CD86: variants seen among roughly 807,000 people sequenced by gnomAD.
CD86 encodes the protein T-lymphocyte activation antigen CD86.
A neutral mutation model predicts 32.1 loss-of-function variants in CD86; 11 were observed. That is an observed-to-expected ratio of 0.34 (90% CI 0.22 to 0.57). The LOEUF is 0.57. CD86 is among the 20% of genes least tolerant of loss of function. The pLI, the probability that CD86 is intolerant of heterozygous loss-of-function variation, is 0.86. For missense variants in CD86, 359 were observed against 398.4 expected (o/e 0.90, Z 0.84); for synonymous variants, 137 against 135.3 (o/e 1.01, Z -0.09).
intron 1 of CD86, among the ~76,000 whole-genome samples, chr3:122,075,318 CTG>C (rs2072541618): frequency 1.3e-5 from 2 of 152,096 alleles, no homozygotes; most frequent in South Asian, 4.2e-4. Context: ...GTTGAGAACA[CTG>C]TAGTATTTAG....
intron 1 of CD86, among the ~76,000 whole-genome samples, chr3:122,066,002 G>A (rs1032604651): frequency 6.6e-6 from 1 of 152,148 alleles, no homozygotes; most frequent in Middle Eastern, 3.2e-3. Flanking sequence ...TCTCTGGCTT[G>A]TTAAGTGTTC....
At chr3:122,084,605 A>G (rs2072686462) in intron 1 of CD86, among the ~76,000 whole-genome samples, 1 of 152,110 alleles carries the variant, frequency 6.6e-6, no homozygotes, top group South Asian at 2.1e-4. Context: ...TGGAAGGCTC[A>G]GCTGGGACCA....
intron 2 of CD86, among the ~76,000 whole-genome samples, chr3:122,094,814 G>A (rs1466383839): frequency 6.6e-6 from 1 of 152,214 alleles, no homozygotes; most frequent in Non-Finnish European, 1.5e-5. Flanking sequence ...TTGGATGGGA[G>A]TTTAAGACTG....
chr3:122,076,266 A>T (rs1032190596), intron 1 of CD86, among the ~76,000 whole-genome samples: 1 of 152,220 alleles, frequency 6.6e-6, no homozygotes, highest in Non-Finnish European at 1.5e-5. Context: ...TTTGGGGAAT[A>T]CTACTCCAAA....
chr3:122,066,562 G>A (rs1429335202), intron 1 of CD86, among the ~76,000 whole-genome samples: 1 of 152,102 alleles, frequency 6.6e-6, no homozygotes, highest in Non-Finnish European at 1.5e-5. Context: ...CCCTCTGAAA[G>A]GCAGTTTCCT....
At chr3:122,118,350 G>T (rs1001751090) in intron 6 of CD86, among the ~76,000 whole-genome samples, 7 of 152,192 alleles carry the variant, frequency 4.6e-5, no homozygotes, top group Non-Finnish European at 1.0e-4. Context: ...AGACTTCAGA[G>T]GTGGTGAACA....
rs573503200 is a variant in CD86 at position 122,085,936 on chromosome 3, C to T, written c.15-5665C>T. Among the ~76,000 whole-genome samples the T allele has an allele frequency of 1.8e-3, 272 of 152,302 alleles. 6 individuals carry two copies. In the South Asian group the frequency reaches 0.038, roughly 21 times the overall value. On this transcript the variant is annotated intron_variant, in intron 1 of 6. Coordinates refer to ENST00000330540, the MANE Select transcript of CD86 (RefSeq NM_175862.5). ...GCAATGAGCTGGGCCCTGAGTGCTG[C>T]TGGGCTGAGGCCGACCTAATCCTTC...
intron 5 of CD86, among the ~76,000 whole-genome samples, chr3:122,117,211 C>A (rs1443963048): frequency 2.6e-5 from 4 of 152,076 alleles, no homozygotes; most frequent in Non-Finnish European, 5.9e-5. Context: ...CTTCATCCAC[C>A]TCTCTCTCAC....
intron 5 of CD86, among the ~76,000 whole-genome samples, chr3:122,117,821 T>A (rs1221963007): frequency 6.6e-6 from 1 of 152,236 alleles, no homozygotes; most frequent in African/African-American, 2.4e-5. Flanking sequence ...CTATTTCCAG[T>A]GTTAGAATTT....
intron 1 of CD86, among the ~76,000 whole-genome samples, chr3:122,066,582 AT>A (rs34331291): frequency 6.6e-6 from 1 of 152,244 alleles, no homozygotes. Context: ...TCACCTATAA[AT>A]TTTTTAAAAA....
chr3:122,106,453 T>A lies in CD86; in HGVS notation c.656T>A (p.Ile219Asn). The A allele has an allele frequency of 6.2e-7, 1 of 1,613,018 alleles. No homozygotes were observed. The highest frequency in any genetic ancestry group is 8.5e-7 in the Non-Finnish European group (1 of 1,179,312). Residue 219 changes from isoleucine (I) to asparagine (N), a missense_variant, in exon 4 of 7, where the codon ATT becomes AAT. Ile to Asn is a moderately radical substitution (Grantham distance 149, BLOSUM62 -3). Transcript: ENST00000330540. ...DVTSNMTIFC[I>N]LETDKTRLLS... ...ACGAGCAATATGACCATCTTCTGTA[T>A]TCTGGAAACTGACAAGACGCGGCTT...
intron 2 of CD86, among the ~76,000 whole-genome samples, chr3:122,096,429 T>C (rs924183735): frequency 1.3e-5 from 2 of 152,194 alleles, no homozygotes; most frequent in African/African-American, 2.4e-5. Context: ...TTAAGTATCC[T>C]AAATATACTT....
intron 1 of CD86, among the ~76,000 whole-genome samples, chr3:122,064,366 A>G (rs750500119): frequency 4.6e-5 from 7 of 152,220 alleles, no homozygotes; most frequent in Non-Finnish European, 7.3e-5. Flanking sequence ...CCAGATCTTC[A>G]GTACAATTAC....
At chr3:122,101,803 A>C (rs1443861417) in intron 2 of CD86, among the ~76,000 whole-genome samples, 1 of 152,070 alleles carries the variant, frequency 6.6e-6, no homozygotes, top group Non-Finnish European at 1.5e-5. Flanking sequence ...GAAGATGCAG[A>C]AGCCTCAGGT....
In CD86 at chr3:122,058,176, A is replaced by T. The variant is rs980569356; in HGVS notation, c.14+2673A>T. 7.2e-5 allele frequency among the ~76,000 whole-genome samples: 11 copies of T among 152,342 alleles called. No individual in the cohort carries two copies. The East Asian group carries it at 2.1e-3, about 29-fold the overall frequency. ...ACAGAGGAAAAGTGATTTGTCCAAG[A>T]TTATACAACCACTTAATGGCATTAC... is the stretch of plus-strand genomic sequence containing the variant. On this transcript the variant is annotated intron_variant, in intron 1 of 6. Transcript: ENST00000330540.
intron 2 of CD86, among the ~76,000 whole-genome samples, chr3:122,097,685 G>C (rs897223118): frequency 6.6e-6 from 1 of 152,170 alleles, no homozygotes; most frequent in Non-Finnish European, 1.5e-5. Context: ...AGAGGGCTAG[G>C]AGTGGAAAAG....
At chr3:122,081,069 C>T (rs188987294) in intron 1 of CD86, among the ~76,000 whole-genome samples, 29 of 152,336 alleles carry the variant, frequency 1.9e-4, no homozygotes, top group African/African-American at 6.5e-4. Flanking sequence ...TGCTCCCAAA[C>T]TATTAATTCC....
chr3:122,101,514 ATATAT>A (rs1482092196), intron 2 of CD86, among the ~76,000 whole-genome samples: 3 of 16,944 alleles, frequency 1.8e-4, no homozygotes, highest in Non-Finnish European at 2.7e-4. Context: ...AAAAAAAAAA[ATATAT>A]ATATATATAT....
Position 122,109,344 on chromosome 3 carries a change from G to A in CD86, c.783G>A (p.Met261Ile). Residue 261 changes from methionine (M) to isoleucine (I), a missense_variant, in exon 5 of 7, where the codon ATG becomes ATA. Met to Ile is a conservative substitution (Grantham distance 10). Transcript: ENST00000330540. ...AVLPTVIICVMVFCLILWKWK... is the reference protein window; with the variant it reads ...AVLPTVIICVIVFCLILWKWK... ...TTCCAACAGTTATTATATGTGTGATGGTTTTCTGTCTAATTCTATGGAAAT... is the reference window on the plus strand; with the variant it reads ...TTCCAACAGTTATTATATGTGTGATAGTTTTCTGTCTAATTCTATGGAAAT... The A allele has an allele frequency of 6.2e-7, 1 of 1,614,040 alleles. No individual in the cohort carries two copies. The highest frequency in any genetic ancestry group is 8.5e-7 in the Non-Finnish European group (1 of 1,179,948).
Sources: allele counts gnomAD v4.1 joint callset (sites outside exome capture counted in the v4.1 genomes callset), GRCh38; gene constraint gnomAD v4.1.1; transcripts MANE v1.5; gene names NCBI Gene and HGNC (gene_info 2026-07-23, HGNC 2026-07-21).